The following DCC variants were observed in gnomAD, a reference collection of about 807,000 sequenced individuals.
DCC encodes the protein DCC netrin 1 receptor, also known as netrin receptor DCC.
In DCC, 58 loss-of-function variants were observed where a neutral mutation model predicts 172.5. The ratio of observed to expected loss-of-function variants is 0.34; its 90% CI spans 0.27 to 0.42. DCC has a LOEUF of 0.42. Ranked by LOEUF, DCC falls within the 10% of genes least tolerant of loss-of-function variation. The pLI, the probability that DCC is intolerant of heterozygous loss-of-function variation, is 1.00. For synonymous variants in DCC, 709 were observed against 644.5 expected (o/e 1.10, Z -1.52); for missense variants, 1,740 against 1,791.0 (o/e 0.97, Z 0.51).
intron 15 of DCC, among the ~76,000 whole-genome samples, chr18:53,356,270 T>C (rs1470165870): frequency 1.3e-5 from 2 of 152,154 alleles, no homozygotes; most frequent in Non-Finnish European, 2.9e-5. Flanking sequence ...ACAGTCATAA[T>C]AACACTTTCA....
intron 12 of DCC, among the ~76,000 whole-genome samples, chr18:53,299,435 A>G (rs1449014634): frequency 1.3e-5 from 2 of 152,162 alleles, no homozygotes; most frequent in Non-Finnish European, 2.9e-5. Flanking sequence ...CGTTGTCCTT[A>G]CATCTTGAGC....
chr18:53,210,988 G>T (rs62100766), intron 11 of DCC, among the ~76,000 whole-genome samples: 42,984 of 151,572 alleles, frequency 0.28, 7,793 homozygotes, highest in Non-Finnish European at 0.41. Flanking sequence ...TACAGCATAT[G>T]ATCATCTAAA....
intron 12 of DCC, among the ~76,000 whole-genome samples, chr18:53,241,166 G>C (rs2056287334): frequency 6.6e-6 from 1 of 152,162 alleles, no homozygotes. Flanking sequence ...GGAGGTGTAA[G>C]GTGAAGTCTA....
At chr18:53,468,476 A>T (rs2045654565) in intron 25 of DCC, among the ~76,000 whole-genome samples, 1 of 151,710 alleles carries the variant, frequency 6.6e-6, no homozygotes, top group South Asian at 2.1e-4. Context: ...TCCACCTCCC[A>T]GGTTCAAGCG....
At chr18:53,041,009 C>CT (rs34326512) in intron 5 of DCC, among the ~76,000 whole-genome samples, 3,966 of 152,114 alleles carry the variant, frequency 0.026, 251 homozygotes, top group East Asian at 0.25. Context: ...ATTATAGCTT[C>CT]TTTTGCTGTG....
intron 8 of DCC, among the ~76,000 whole-genome samples, chr18:53,159,438 AT>A (rs1171123385): frequency 6.6e-6 from 1 of 151,866 alleles, no homozygotes; most frequent in East Asian, 1.9e-4. Context: ...TTATTCTATT[AT>A]TTTCAACATC....
At position 53,425,408 on chromosome 18, in the gene DCC, G is replaced by A. The variant is rs146289261; in HGVS notation, c.3163+9252G>A. Among the ~76,000 whole-genome samples the A allele has an allele frequency of 6.5e-3, 860 of 132,290 alleles. 11 individuals carry two copies. The highest frequency in any genetic ancestry group is 0.025 in the Admixed American group (283 of 11,442). The allele number at this position is 132,290 out of a possible 152,430, so 86.8% of individuals were successfully genotyped here. A position where few individuals can be genotyped will look rare whatever the true frequency, so the allele number is the denominator to read the frequency against. The stretch of plus-strand genomic sequence containing the variant: ...AGAGTCTCACTCTCTCACCCGGGCT[G>A]GAGTGCAGTGGCATGATCTTGGCTC... On this transcript the variant is annotated intron_variant, in intron 21 of 28. Coordinates refer to ENST00000442544, the MANE Select transcript of DCC (RefSeq NM_005215.4).
chr18:53,011,609 T>G (rs1258002933), intron 5 of DCC, among the ~76,000 whole-genome samples: 1 of 151,834 alleles, frequency 6.6e-6, no homozygotes, highest in Non-Finnish European at 1.5e-5. Context: ...AATTGCTATG[T>G]AAAAGCATTT....
At chr18:52,700,655 T>A (rs1464767979) in intron 1 of DCC, among the ~76,000 whole-genome samples, 1 of 152,240 alleles carries the variant, frequency 6.6e-6, no homozygotes, top group Admixed American at 6.5e-5. Flanking sequence ...TTCTTTCAAT[T>A]GCCACTTGTA....
intron 1 of DCC, among the ~76,000 whole-genome samples, chr18:52,439,625 G>C (rs1439346083): frequency 6.6e-6 from 1 of 152,166 alleles, no homozygotes; most frequent in Non-Finnish European, 1.5e-5. Flanking sequence ...TTTTGACACA[G>C]ATTAATTCAA....
intron 5 of DCC, among the ~76,000 whole-genome samples, chr18:52,959,402 G>A (rs1217984013): frequency 6.6e-6 from 1 of 152,046 alleles, no homozygotes; most frequent in Non-Finnish European, 1.5e-5. Flanking sequence ...GTGTGGTCTT[G>A]GATGAGTTAT....
chr18:52,839,606 A>G (rs1008019381), intron 2 of DCC, among the ~76,000 whole-genome samples: 1 of 152,180 alleles, frequency 6.6e-6, no homozygotes. Flanking sequence ...ATACATATTT[A>G]AGGCAATTCA....
At chr18:52,996,680 T>C (rs951334919) in intron 5 of DCC, among the ~76,000 whole-genome samples, 1 of 152,016 alleles carries the variant, frequency 6.6e-6, no homozygotes, top group Non-Finnish European at 1.5e-5. Flanking sequence ...AACAAAATGT[T>C]TCTAATAATC....
chr18:53,201,015 C>A (rs1411828161), intron 9 of DCC, among the ~76,000 whole-genome samples: 1 of 152,088 alleles, frequency 6.6e-6, no homozygotes, highest in Admixed American at 6.6e-5. Context: ...GCATTTTCTT[C>A]TCCTTTGCCC....
intron 27 of DCC, among the ~76,000 whole-genome samples, chr18:53,500,064 T>A (rs1015701521): frequency 1.3e-5 from 2 of 152,202 alleles, no homozygotes; most frequent in African/African-American, 4.8e-5. Context: ...ACATTTAGAT[T>A]GATAGAAAGT....
intron 13 of DCC, among the ~76,000 whole-genome samples, chr18:53,311,436 T>C (rs1474311091): frequency 1.3e-5 from 2 of 152,170 alleles, no homozygotes; most frequent in Non-Finnish European, 2.9e-5. Context: ...CTGCTTATTT[T>C]ACAGAAGAAA....
In DCC at chr18:53,489,281, C is replaced by A. The variant is rs973241915; in HGVS notation, c.3898+2323C>A. Among the ~76,000 whole-genome samples the A allele has an allele frequency of 7.2e-5, 11 of 152,252 alleles. No individual in the cohort carries two copies. The South Asian group carries it at 1.0e-3, about 14-fold the overall frequency. ...TACATCTTCAGTCATTCATCAAGAA[C>A]TTTTTGAGCAAAGCTATGCACAATG... On this transcript the variant is annotated intron_variant, in intron 26 of 28. Transcript: ENST00000442544.
chr18:52,801,908 C>T (rs2037995418), intron 2 of DCC, among the ~76,000 whole-genome samples: 1 of 152,050 alleles, frequency 6.6e-6, no homozygotes, highest in African/African-American at 2.4e-5. Context: ...TTCAAAAAAT[C>T]AGTGACCCTT....
intron 5 of DCC, among the ~76,000 whole-genome samples, chr18:52,959,949 G>C (rs1009132199): frequency 6.6e-6 from 1 of 152,038 alleles, no homozygotes; most frequent in Admixed American, 6.6e-5. Flanking sequence ...TCGAAACTTT[G>C]ATTTTTTATG....
Sources: allele counts gnomAD v4.1 joint callset (sites outside exome capture counted in the v4.1 genomes callset), GRCh38; gene constraint gnomAD v4.1.1; transcripts MANE v1.5; gene names NCBI Gene and HGNC (gene_info 2026-07-23, HGNC 2026-07-21).